The following ZMYM4 variants were observed in gnomAD, a reference collection of about 807,000 sequenced individuals.
ZMYM4 encodes zinc finger MYM-type protein 4.
In ZMYM4, 31 loss-of-function variants were observed where a neutral mutation model predicts 183.2. The observed-to-expected ratio is 0.17, with a 90% CI of 0.13 to 0.23. The LOEUF (loss-of-function observed/expected upper bound fraction) is 0.23, where lower values mean the gene tolerates loss of function less well. Ranked by LOEUF, ZMYM4 falls within the 10% of genes least tolerant of loss-of-function variation. The pLI is 1.00. For missense variants in ZMYM4, 1,273 were observed against 1,840.3 expected (o/e 0.69, Z 5.64); for synonymous variants, 592 against 631.2 (o/e 0.94, Z 0.93).
At chr1:35,373,238 G>GCATA (rs1644253937) in intron 7 of ZMYM4, among the ~76,000 whole-genome samples, 1 of 145,544 alleles carries the variant, frequency 6.9e-6, no homozygotes, top group African/African-American at 2.6e-5. Context: ...ATATATATAT[G>GCATA]CATATATATA....
At chr1:35,378,138 G>T (rs953583068) in intron 7 of ZMYM4, among the ~76,000 whole-genome samples, 1 of 152,122 alleles carries the variant, frequency 6.6e-6, no homozygotes, top group Non-Finnish European at 1.5e-5. Context: ...CAATTCTGTC[G>T]CATCTTCAGG....
In ZMYM4 at chr1:35,385,555, C is replaced by T; in HGVS notation, c.1683C>T (p.Cys561=). The T allele has an allele frequency of 6.2e-7, 1 of 1,611,694 alleles. No individual in the cohort carries two copies. Among genetic ancestry groups the T allele is most frequent in the South Asian group, 1.1e-5 (1 of 90,346 alleles). The change falls in exon 10 of 30, where the codon TGC becomes TGT. Residue 561 remains cysteine, a synonymous_variant. Transcript: ENST00000314607. ...GKTELFCSVN[C]LSAYRVKMVT... ...CAGAGCTTTTCTGTTCTGTTAATTG[C>T]TTATCTGCTTACAGAGTTAAAATGG...
chr1:35,372,992 C>G (rs1396304187), intron 7 of ZMYM4, among the ~76,000 whole-genome samples: 1 of 151,976 alleles, frequency 6.6e-6, no homozygotes, highest in Non-Finnish European at 1.5e-5. Flanking sequence ...ACCTCCATCT[C>G]TGGTAAAAAT....
intron 1 of ZMYM4, chr1:35,308,919 A>C (rs905500308): frequency 2.9e-5 from 28 of 977,478 alleles, no homozygotes; most frequent in Non-Finnish European, 6.1e-6. Context: ...AGATTCATGC[A>C]AAACAATAAT....
In ZMYM4 at chr1:35,284,945, T is replaced by C. The variant is rs566043276; in HGVS notation, c.39+15860T>C. ...CATGGGGGGTTAAGGCTTCAACATA[T>C]GAATCTGGGGAGGAGGGATACAAAC... On this transcript the variant is annotated intron_variant, in intron 1 of 29. Transcript: ENST00000314607. Among the ~76,000 whole-genome samples, 9 of 152,260 alleles carry C rather than the reference T, an allele frequency of 5.9e-5. No individual in the cohort carries two copies. In the South Asian group the frequency reaches 1.0e-3, roughly 18 times the overall value.
chr1:35,415,762 T>C (rs1224731295), intron 28 of ZMYM4, 48 bp downstream of exon 28: 2 of 1,589,962 alleles, frequency 1.3e-6, no homozygotes, highest in Admixed American at 3.4e-5. Flanking sequence ...TTAGTAGTAG[T>C]ACTAAAATAG....
chr1:35,319,406 G>A (rs893207341), intron 1 of ZMYM4, among the ~76,000 whole-genome samples: 1 of 151,920 alleles, frequency 6.6e-6, no homozygotes, highest in African/African-American at 2.4e-5. Context: ...GGAAGATCAC[G>A]AGGCCAGGAG....
intron 1 of ZMYM4, among the ~76,000 whole-genome samples, chr1:35,278,433 T>C (rs527636018): frequency 6.6e-6 from 1 of 151,734 alleles, no homozygotes; most frequent in Non-Finnish European, 1.5e-5. Context: ...TCTGTTTTTT[T>C]TTTTTTTTTT....
At chr1:35,326,163 A>G (rs536189854) in intron 2 of ZMYM4, among the ~76,000 whole-genome samples, 46 of 152,360 alleles carry the variant, frequency 3.0e-4, no homozygotes, top group African/African-American at 9.6e-4. Flanking sequence ...CAATTTTACC[A>G]TAAGTTTAAA....
At position 35,299,705 on chromosome 1, in the gene ZMYM4, A is replaced by G. The variant is rs370441202; in HGVS notation, c.40-25655A>G. On this transcript the variant is annotated intron_variant, in intron 1 of 29. Coordinates refer to ENST00000314607, the MANE Select transcript of ZMYM4 (RefSeq NM_005095.3). ...TAAGTTGCAGAAAGCAACCAATCAA[A>G]GGCTAAAGTGAAGTTACAAAGTTAC... Among the ~76,000 whole-genome samples, 7 of 152,302 alleles carry G rather than the reference A, an allele frequency of 4.6e-5. No individual in the cohort carries two copies. The East Asian group carries it at 1.2e-3, about 25-fold the overall frequency.
chr1:35,390,049 G>A lies in ZMYM4; in HGVS notation c.2538G>A (p.Met846Ile), dbSNP rs767319877. The change falls in exon 15 of 30, where the codon ATG (methionine) becomes ATA (isoleucine). Residue 846 changes from methionine to isoleucine, a missense_variant. Coordinates refer to ENST00000314607, the MANE Select transcript of ZMYM4 (RefSeq NM_005095.3). ...TCTGTAACCTGCTTTGTATCTTGATGTTCTGTAATCAGCAAAGTGTATGTG... is the reference window on the plus strand; with the variant it reads ...TCTGTAACCTGCTTTGTATCTTGATATTCTGTAATCAGCAAAGTGTATGTG... The part of the protein sequence containing the change: ...KHFCNLLCIL[M>I]FCNQQSVCDP... 1.9e-6 allele frequency: 3 copies of A among 1,613,794 alleles called. No individual in the cohort carries two copies. The highest frequency in any genetic ancestry group is 1.3e-5 in the African/African-American group (1 of 74,870).
intron 1 of ZMYM4, among the ~76,000 whole-genome samples, chr1:35,297,448 G>A (rs920954874): frequency 4.0e-5 from 6 of 150,008 alleles, no homozygotes; most frequent in Non-Finnish European, 7.4e-5. Flanking sequence ...CCGAGGTCAC[G>A]CCACTGCACT....
intron 4 of ZMYM4, 141 bp from the exon 5 acceptor site, chr1:35,361,478 T>C (rs1488627763): frequency 9.6e-7 from 1 of 1,041,956 alleles, no homozygotes; most frequent in Non-Finnish European, 1.4e-6. Flanking sequence ...ACAATTACTT[T>C]TAGGCGTAGG....
chr1:35,356,978 G>T (rs1469767814), intron 2 of ZMYM4, among the ~76,000 whole-genome samples: 1 of 152,136 alleles, frequency 6.6e-6, no homozygotes, highest in Non-Finnish European at 1.5e-5. Flanking sequence ...CAAACTCTTG[G>T]GTTCAAGTGA....
chr1:35,370,848 C>T (rs1176083254), intron 7 of ZMYM4: 2 of 459,380 alleles, frequency 4.4e-6, no homozygotes, highest in African/African-American at 2.2e-5. Flanking sequence ...AATAATGTTA[C>T]TTTTATGTAT....
chr1:35,417,138 C>G (rs1045572771), intron 28 of ZMYM4, among the ~76,000 whole-genome samples: 10 of 151,262 alleles, frequency 6.6e-5, no homozygotes, highest in African/African-American at 2.4e-4. Context: ...TTGGGAGGCT[C>G]ATGCGGGAGG....
intron 2 of ZMYM4, among the ~76,000 whole-genome samples, chr1:35,341,113 T>C (rs1643184750): frequency 6.6e-6 from 1 of 151,924 alleles, no homozygotes; most frequent in Non-Finnish European, 1.5e-5. Context: ...ATTTTTATTA[T>C]TTGTATATTT....
At chr1:35,306,052 G>GACT (rs1641518774) in intron 1 of ZMYM4, among the ~76,000 whole-genome samples, 1 of 152,134 alleles carries the variant, frequency 6.6e-6, no homozygotes, top group Non-Finnish European at 1.5e-5. Context: ...ACTTAATGTA[G>GACT]TAATTACATA....
Position 35,397,386 on chromosome 1 carries a change from C to G in ZMYM4, c.3040C>G (p.Pro1014Ala), listed in dbSNP as rs759225583. 1.2e-6 allele frequency: 2 copies of G among 1,601,212 alleles called. No homozygotes were observed. Among genetic ancestry groups the G allele is most frequent in the Non-Finnish European group, 1.7e-6 (2 of 1,174,456 alleles). ...ATCCTTGGTCTTTCAGATGCCTGTC[C>G]CTATGCTTATTCCATCTTCAATGGA... ...PFGIPVPMPV[P>A]MLIPSSMDSE... Residue 1014 changes from proline (P) to alanine (A), a missense_variant, in exon 20 of 30, where the codon CCT (proline) becomes GCT (alanine). Pro to Ala is a conservative substitution (Grantham distance 27). Transcript: ENST00000314607.
Sources: allele counts gnomAD v4.1 joint callset (sites outside exome capture counted in the v4.1 genomes callset), GRCh38; gene constraint gnomAD v4.1.1; transcripts MANE v1.5; gene names NCBI Gene and HGNC (gene_info 2026-07-23, HGNC 2026-07-21).